MORC2: variants seen among roughly 807,000 people sequenced by gnomAD.
MORC2 encodes the protein MORC family CW-type zinc finger 2.
In MORC2, 30 loss-of-function variants were observed where a neutral mutation model predicts 136.0. The ratio of observed to expected loss-of-function variants is 0.22; its 90% CI spans 0.17 to 0.30. The LOEUF (loss-of-function observed/expected upper bound fraction) is 0.30. Among genes scored for constraint, MORC2 ranks in the 10% least tolerant of loss-of-function variants. MORC2 has a pLI of 1.00. For synonymous variants in MORC2, 439 were observed against 487.0 expected (o/e 0.90, Z 1.30); for missense variants, 922 against 1,333.1 (o/e 0.69, Z 4.80).
intron 5 of MORC2, among the ~76,000 whole-genome samples, chr22:30,949,283 C>G (rs1313069315): frequency 6.6e-6 from 1 of 152,150 alleles, no homozygotes; most frequent in East Asian, 1.9e-4. Context: ...GTACATTCAG[C>G]ATCCTCTGGG....
chr22:30,939,898 T>C (rs996091667), intron 11 of MORC2, 61 bp downstream of exon 11: 7 of 1,546,918 alleles, frequency 4.5e-6, no homozygotes, highest in South Asian at 2.3e-5. Context: ...ACCAGGCTCA[T>C]GGGACATGGG....
At chr22:30,927,614 G>C (rs1032755066) in intron 25 of MORC2, among the ~76,000 whole-genome samples, 1 of 152,280 alleles carries the variant, frequency 6.6e-6, no homozygotes, top group Non-Finnish European at 1.5e-5. Flanking sequence ...TCTCTGGCTT[G>C]TCTTGTTCAT....
At chr22:30,952,013 C>T (rs1481606653) in intron 3 of MORC2, among the ~76,000 whole-genome samples, 1 of 152,096 alleles carries the variant, frequency 6.6e-6, no homozygotes, top group Non-Finnish European at 1.5e-5. Flanking sequence ...ATTACAAGTG[C>T]TTCTTGAAAG....
chr22:30,959,191 A>G (rs1602510784), intron 1 of MORC2, among the ~76,000 whole-genome samples: 3 of 152,200 alleles, frequency 2.0e-5, no homozygotes, highest in South Asian at 2.1e-4. Context: ...GAATAACATG[A>G]TAACTGTGTA....
At chr22:30,963,946 A>C (rs1481056684) in intron 1 of MORC2, among the ~76,000 whole-genome samples, 1 of 152,200 alleles carries the variant, frequency 6.6e-6, no homozygotes, top group African/African-American at 2.4e-5. Flanking sequence ...CAACTATTTT[A>C]CATTGAAATG....
chr22:30,935,000 G>C lies in MORC2; in HGVS notation c.1974C>G (p.Ala658=). 1 of 1,614,100 alleles carries C rather than the reference G, an allele frequency of 6.2e-7. No homozygotes were observed. Among genetic ancestry groups the C allele is most frequent in the Non-Finnish European group, 8.5e-7 (1 of 1,180,034 alleles). ...GCCTAGATGTGCTGGCCTCCTCCCG[G>C]GCTGCCAAAGCAGGGAGCTTTGGGG... is the stretch of plus-strand genomic sequence containing the variant. ...SSTPKLPALA[A]REEASTSRLL... The change falls in exon 19 of 26, where the codon GCC becomes GCG. Residue 658 remains alanine, a synonymous_variant. Coordinates refer to ENST00000397641, the MANE Select transcript of MORC2 (RefSeq NM_001303256.3). This position sits in a 1 kb window ranked among gnomAD's most constrained non-coding sequence, Gnocchi z 4.4.
chr22:30,945,377 C>A (rs963333019), intron 6 of MORC2, among the ~76,000 whole-genome samples: 1 of 152,202 alleles, frequency 6.6e-6, no homozygotes, highest in Non-Finnish European at 1.5e-5. Context: ...AGGCTCAGAT[C>A]TAAACAGAAC....
In MORC2 at chr22:30,946,331, T is replaced by C. The variant is rs1569197380; in HGVS notation, c.426+10A>G. 1.9e-6 allele frequency: 3 copies of C among 1,597,158 alleles called. No individual in the cohort carries two copies. The highest frequency in any genetic ancestry group is 2.6e-6 in the Non-Finnish European group (3 of 1,169,354). On this transcript the variant is annotated intron_variant, in intron 6 of 25. Transcript: ENST00000397641. ...GGACTGGTGATGCAGACCACGATGA[T>C]GGGACCTACTTCATCAATGCCTTCT...
chr22:30,967,543 C>G (rs2041147333), intron 1 of MORC2: 2 of 1,243,834 alleles, frequency 1.6e-6, no homozygotes, highest in Non-Finnish European at 2.0e-6. Flanking sequence ...CCTATAAACA[C>G]TTGAATGAAA....
chr22:30,942,959 C>T (rs931402915), intron 6 of MORC2, among the ~76,000 whole-genome samples: 22 of 152,024 alleles, frequency 1.4e-4, no homozygotes, highest in African/African-American at 2.4e-4. Flanking sequence ...GAGCTGAGAT[C>T]GTGCCACTGC....
chr22:30,927,194 G>C (rs1224520790), intron 25 of MORC2, among the ~76,000 whole-genome samples: 1 of 152,032 alleles, frequency 6.6e-6, no homozygotes, highest in Non-Finnish European at 1.5e-5. Flanking sequence ...GGCCACCACT[G>C]TCTCAGACAA....
At chr22:30,954,745 T>TA (rs1391801535) in intron 3 of MORC2, among the ~76,000 whole-genome samples, 1 of 152,226 alleles carries the variant, frequency 6.6e-6, no homozygotes, top group Non-Finnish European at 1.5e-5. Context: ...TGATCTTTTT[T>TA]AAAAAACGTC....
chr22:30,949,834 C>T lies in MORC2; in HGVS notation c.235G>A (p.Ala79Thr), dbSNP rs2040863623. 6.2e-7 allele frequency: 1 copy of T among 1,614,134 alleles called. No homozygotes were observed. The highest frequency in any genetic ancestry group is 8.5e-7 in the Non-Finnish European group (1 of 1,179,978). ...GACTTCCCAAACTGGATCACACTGG[C>T]AGCATCACCTGAAAGGGCAGACACA... ...DGAGMDPSDA[A>T]SVIQFGKSAK... The change falls in exon 5 of 26, where the codon GCC becomes ACC. Residue 79 changes from alanine (A) to threonine (T), a missense_variant. By Grantham distance (58) the Ala-to-Thr change is moderately conservative. Transcript: ENST00000397641.
chr22:30,932,424 T>G lies in MORC2; in HGVS notation c.2776A>C (p.Ser926Arg). Residue 926 changes from serine to arginine, a missense_variant, in exon 24 of 26, where the codon AGT (serine) becomes CGT (arginine). Ser to Arg is a moderately radical substitution (Grantham distance 110). Coordinates refer to ENST00000397641, the MANE Select transcript of MORC2 (RefSeq NM_001303256.3). The surrounding 1 kb of genome is among the most constrained non-coding windows in gnomAD (Gnocchi z 4.4). ...AGCTGCTTCTTGGAGATGGGGAAAC[T>G]TGGAGGCAGGAAGTACCGTAAACAA... is the stretch of plus-strand genomic sequence containing the variant. ...RNCLRYFLPPSFPISKKQLSA... is the reference protein window; with the variant it reads ...RNCLRYFLPPRFPISKKQLSA... 2.5e-6 allele frequency: 4 copies of G among 1,613,966 alleles called. No homozygotes were observed. The highest frequency in any genetic ancestry group is 2.5e-6 in the Non-Finnish European group (3 of 1,179,998).
chr22:30,951,187 G>C (rs1039435218), intron 3 of MORC2, among the ~76,000 whole-genome samples: 1 of 152,210 alleles, frequency 6.6e-6, no homozygotes, highest in Non-Finnish European at 1.5e-5. Flanking sequence ...AGCAGCTGTG[G>C]TGGGGTTTCC....
chr22:30,952,957 G>A (rs2040913056), intron 3 of MORC2, among the ~76,000 whole-genome samples: 1 of 152,222 alleles, frequency 6.6e-6, no homozygotes, highest in Non-Finnish European at 1.5e-5. Flanking sequence ...CAAAGAGCTT[G>A]TGAAAATAGA....
At chr22:30,938,556 A>G (rs1047705963) in intron 12 of MORC2, among the ~76,000 whole-genome samples, 1 of 152,188 alleles carries the variant, frequency 6.6e-6, no homozygotes, top group Non-Finnish European at 1.5e-5. Context: ...AAATTCCACT[A>G]GTATGATAGT....
rs1034438185 is a variant in MORC2 at position 30,968,083 on chromosome 22, T to A, written c.-194A>T. On this transcript the variant is annotated 5_prime_UTR_variant, in exon 1 of 26. Coordinates refer to ENST00000397641, the MANE Select transcript of MORC2 (RefSeq NM_001303256.3). ...CTACAATTTCTTCAAGTGTTTTTTTTTAATCTTCTCAATGATTTATGATGT... is the reference window on the plus strand; with the variant it reads ...CTACAATTTCTTCAAGTGTTTTTTTATAATCTTCTCAATGATTTATGATGT... 1 of 563,682 alleles carries A rather than the reference T, an allele frequency of 1.8e-6. No individual in the cohort carries two copies. Among genetic ancestry groups the A allele is most frequent in the Non-Finnish European group, 3.2e-6 (1 of 316,462 alleles). The allele number at this position is 563,682 out of a possible 1,614,324, so 34.9% of individuals were successfully genotyped here.
intron 1 of MORC2, among the ~76,000 whole-genome samples, chr22:30,965,386 T>C (rs1199167986): frequency 1.3e-5 from 2 of 152,214 alleles, no homozygotes; most frequent in Non-Finnish European, 2.9e-5. Flanking sequence ...ACAAGTCACA[T>C]CATGTGAGAA....
Sources: allele counts gnomAD v4.1 joint callset (sites outside exome capture counted in the v4.1 genomes callset), GRCh38; gene constraint gnomAD v4.1.1; non-coding constraint Gnocchi (gnomAD v3.1); transcripts MANE v1.5; gene names NCBI Gene and HGNC (gene_info 2026-07-23, HGNC 2026-07-21).